Variants in NUDT19 observed in about 807,000 individuals in gnomAD.
NUDT19 encodes nudix hydrolase 19.
In NUDT19, 31 loss-of-function variants were observed where a neutral mutation model predicts 22.2. The ratio of observed to expected loss-of-function variants is 1.40; its 90% confidence interval spans 1.05 to 1.89. The LOEUF (loss-of-function observed/expected upper bound fraction) is 1.89. Ranked by LOEUF, NUDT19 falls within the 40% of genes most tolerant of loss-of-function variation. The pLI is 0.00. For synonymous variants in NUDT19, 325 were observed against 230.8 expected (o/e 1.41, Z -3.70); for missense variants, 752 against 514.2 (o/e 1.46, Z -4.47).
chr19:32,694,025 G>T (rs930451458), intron 1 of NUDT19, among the ~76,000 whole-genome samples: 7 of 152,212 alleles, frequency 4.6e-5, no homozygotes, highest in African/African-American at 1.7e-4. Context: ...GGGGTCCTCG[G>T]TAGAAGTTGT....
chr19:32,692,554 C>G lies in NUDT19; in HGVS notation c.594C>G (p.Ser198Arg). ...ACATCTGGGCGCTGCACAACTGGAG[C>G]GCCTGGCTCACCCCTTTCTTGCGGG... ...TPDIWALHNW[S>R]AWLTPFLRGT... Residue 198 changes from serine (S) to arginine (R), a missense_variant, in exon 1 of 3, where the codon AGC becomes AGG. Coordinates refer to ENST00000397061, the MANE Select transcript of NUDT19 (RefSeq NM_001105570.2). 6.3e-7 allele frequency: 1 copy of G among 1,597,112 alleles called. No individual in the cohort carries two copies.
chr19:32,711,827 T>A lies in NUDT19; in HGVS notation c.998T>A (p.Met333Lys). Reference sequence around the variant, plus strand: ...ACTGAAAAAAAGACTGAGGAAATCATGAAGGAAGGCAAGCAGTTTCACCGG... The same window carrying A: ...ACTGAAAAAAAGACTGAGGAAATCAAGAAGGAAGGCAAGCAGTTTCACCGG... ...MSTEKKTEEI[M>K]KEGKQFHRIV... Residue 333 changes from methionine (M) to lysine (K), a missense_variant, in exon 3 of 3, where the codon ATG becomes AAG. Coordinates refer to ENST00000397061, the MANE Select transcript of NUDT19 (RefSeq NM_001105570.2). The A allele has an allele frequency of 6.2e-7, 1 of 1,613,846 alleles. No individual in the cohort carries two copies. The highest frequency in any genetic ancestry group is 2.2e-5 in the East Asian group (1 of 44,872).
chr19:32,704,935 C>T (rs12980802), intron 1 of NUDT19, among the ~76,000 whole-genome samples: 37,740 of 150,880 alleles, frequency 0.25, 5,060 homozygotes, highest in Middle Eastern at 0.33. Context: ...GGTGAAACCC[C>T]GTCTCAAGTA....
In NUDT19 at chr19:32,709,171, T is replaced by C. The variant is rs368030102; in HGVS notation, c.715-14T>C. On this transcript the variant is annotated splice_polypyrimidine_tract_variant and intron_variant, in intron 1 of 2. Coordinates refer to ENST00000397061, the MANE Select transcript of NUDT19 (RefSeq NM_001105570.2). Reference sequence around the variant, plus strand: ...GGCATAAACCTTAAGAAACCCTGCCTTTGTCTTTCACAGTGGTCATCTCCA... The same window carrying C: ...GGCATAAACCTTAAGAAACCCTGCCCTTGTCTTTCACAGTGGTCATCTCCA... 1.1e-5 allele frequency: 17 copies of C among 1,597,242 alleles called. No homozygotes were observed. The highest frequency in any genetic ancestry group is 1.3e-5 in the Non-Finnish European group (15 of 1,166,038).
Position 32,692,611 on chromosome 19 carries a change from C to T in NUDT19, c.651C>T (p.Phe217=), listed in dbSNP as rs764430045. 6 of 1,547,564 alleles carry T rather than the reference C, an allele frequency of 3.9e-6. No homozygotes were observed. In the South Asian group the frequency reaches 4.9e-5, roughly 13 times the overall value. Residue 217 remains phenylalanine (F), a synonymous_variant, in exon 1 of 3, where the codon TTC becomes TTT. Coordinates refer to ENST00000397061, the MANE Select transcript of NUDT19 (RefSeq NM_001105570.2). The part of the protein sequence containing the change: ...GTTRRFDTAF[F]LCCLREPPPV... Reference sequence around the variant, plus strand: ...CTCGCCGCTTTGACACGGCCTTCTTCCTGTGCTGCCTGCGCGAGCCGCCGC... The same window carrying T: ...CTCGCCGCTTTGACACGGCCTTCTTTCTGTGCTGCCTGCGCGAGCCGCCGC...
rs1968454125 is a variant in NUDT19 at position 32,712,145 on chromosome 19, G to C, written c.*188G>C. The C allele has an allele frequency of 5.7e-6, 3 of 524,550 alleles. No homozygotes were observed. The highest frequency in any genetic ancestry group is 6.9e-5 in the Admixed American group (2 of 28,786). 32.5% of individuals were successfully genotyped at this position (524,550 alleles called of 1,614,324 possible). Reference sequence around the variant, plus strand: ...GCTGGAGTGCAGTGGCATGATATAGGCTCACTGGAAGCTCTGCCTCAGGGG... The same window carrying C: ...GCTGGAGTGCAGTGGCATGATATAGCCTCACTGGAAGCTCTGCCTCAGGGG... On this transcript the variant is annotated 3_prime_UTR_variant, in exon 3 of 3. Coordinates refer to ENST00000397061, the MANE Select transcript of NUDT19 (RefSeq NM_001105570.2).
chr19:32,692,246 T>G lies in NUDT19; in HGVS notation c.286T>G (p.Phe96Val). ...GCGCTTCGGCCTGGGCCCGGCGCCATTCAGCCGCACCGCTTTCCCGTCGCT... is the reference window on the plus strand; with the variant it reads ...GCGCTTCGGCCTGGGCCCGGCGCCAGTCAGCCGCACCGCTTTCCCGTCGCT... ...PPRFGLGPAP[F>V]SRTAFPSLPD... Residue 96 changes from phenylalanine (F) to valine (V), a missense_variant, in exon 1 of 3, where the codon TTC becomes GTC. Physicochemically the swap from Phe to Val is conservative, Grantham distance 50 (BLOSUM62 -1). Coordinates refer to ENST00000397061, the MANE Select transcript of NUDT19 (RefSeq NM_001105570.2). 6.3e-7 allele frequency: 1 copy of G among 1,591,354 alleles called. No individual in the cohort carries two copies. The highest frequency in any genetic ancestry group is 1.1e-5 in the South Asian group (1 of 90,294).
intron 1 of NUDT19, among the ~76,000 whole-genome samples, chr19:32,695,673 C>T (rs8107610): frequency 0.19 from 28,190 of 152,056 alleles, 2,768 homozygotes; most frequent in African/African-American, 0.24. Context: ...TTGATGGCTT[C>T]GGCAGTGTAA....
Position 32,705,106 on chromosome 19 carries a change from CAAAAAAAAAAAAA to C in NUDT19, c.715-4069_715-4057del, listed in dbSNP as rs34871387. Among the ~76,000 whole-genome samples the C allele has an allele frequency of 3.7e-4, 20 of 54,192 alleles. No individual in the cohort carries two copies. The East Asian group carries it at 0.011, about 30-fold the overall frequency. 35.6% of individuals were successfully genotyped at this position (54,192 alleles called of 152,430 possible). ...GGGGGACAAGAGCAAGACTTCATCT[CAAAAAAAAAAAAA>C]AAAAAAAAAGTATTGGAACTTGGCT... is the stretch of plus-strand genomic sequence containing the variant. On this transcript the variant is annotated intron_variant, in intron 1 of 2. Coordinates refer to ENST00000397061, the MANE Select transcript of NUDT19 (RefSeq NM_001105570.2).
At chr19:32,692,906 C>T (rs4805801) in intron 1 of NUDT19, among the ~76,000 whole-genome samples, 20,744 of 152,352 alleles carry the variant, frequency 0.14, 1,792 homozygotes, top group East Asian at 0.27. Context: ...GAGCCTGTCT[C>T]TCCACGTGGT....
rs1299847830 is a variant in NUDT19 at position 32,712,451 on chromosome 19, G to A, written c.*494G>A. On this transcript the variant is annotated 3_prime_UTR_variant, in exon 3 of 3. Transcript: ENST00000397061. ...CCCAGAACCCAGGCTGGAGTGCAGT[G>A]GCCCAATCTCGGCTCACTGCAACCT... is the stretch of plus-strand genomic sequence containing the variant. The A allele has an allele frequency of 7.0e-6, 1 of 142,140 alleles. No individual in the cohort carries two copies. The highest frequency in any genetic ancestry group is 2.8e-5 in the African/African-American group (1 of 36,188). The allele number at this position is 142,140 out of a possible 1,614,324, so 8.8% of individuals were successfully genotyped here.
rs1968465919 is a variant in NUDT19 at position 32,713,086 on chromosome 19, T to TA, written c.*1133dup. On this transcript the variant is annotated 3_prime_UTR_variant, in exon 3 of 3. Transcript: ENST00000397061. ...TTAATGATTAAGATACAATTCTTTT[T>TA]AAAATCAAATGGTATTAGTTATTAT... 1 of 152,244 alleles carries TA rather than the reference T, an allele frequency of 6.6e-6. No homozygotes were observed. The highest frequency in any genetic ancestry group is 1.5e-5 in the Non-Finnish European group (1 of 68,032). 9.4% of individuals were successfully genotyped at this position (152,244 alleles called of 1,614,324 possible). A position where few individuals can be genotyped will look rare whatever the true frequency, so the allele number is the denominator to read the frequency against.
chr19:32,710,029 T>C (rs541914814), intron 2 of NUDT19, among the ~76,000 whole-genome samples: 15 of 150,978 alleles, frequency 9.9e-5, no homozygotes, highest in Non-Finnish European at 1.8e-4. Context: ...TTAGGGAGCT[T>C]TTTTTTTGAG....
intron 1 of NUDT19, among the ~76,000 whole-genome samples, chr19:32,698,956 C>A (rs1481930170): frequency 6.6e-6 from 1 of 152,134 alleles, no homozygotes; most frequent in Non-Finnish European, 1.5e-5. Flanking sequence ...AAGGGATCTC[C>A]AGAGTTGGAA....
At position 32,692,603 on chromosome 19, in the gene NUDT19, G is replaced by T. The variant is rs760646276; in HGVS notation, c.643G>T (p.Ala215Ser). The change falls in exon 1 of 3, where the codon GCC becomes TCC. Residue 215 changes from alanine to serine, a missense_variant. Coordinates refer to ENST00000397061, the MANE Select transcript of NUDT19 (RefSeq NM_001105570.2). ...GGGCACCACTCGCCGCTTTGACACG[G>T]CCTTCTTCCTGTGCTGCCTGCGCGA... ...LRGTTRRFDT[A>S]FFLCCLREPP... is the part of the protein sequence containing the mutation. The T allele has an allele frequency of 3.8e-5, 59 of 1,568,814 alleles. No individual in the cohort carries two copies. Among genetic ancestry groups the T allele is most frequent in the Non-Finnish European group, 4.3e-5 (50 of 1,163,376 alleles).
intron 1 of NUDT19, among the ~76,000 whole-genome samples, chr19:32,700,092 C>T (rs758469874): frequency 1.3e-4 from 20 of 152,316 alleles, no homozygotes; most frequent in Non-Finnish European, 1.8e-4. Flanking sequence ...AGATTTATTG[C>T]GAAGAGCAAA....
chr19:32,694,202 A>G (rs1568431547), intron 1 of NUDT19, among the ~76,000 whole-genome samples: 2 of 152,136 alleles, frequency 1.3e-5, no homozygotes, highest in African/African-American at 2.4e-5. Flanking sequence ...ATGTTGCCCA[A>G]CTCCAGAGGT....
At chr19:32,700,225 G>A (rs1179424921) in intron 1 of NUDT19, among the ~76,000 whole-genome samples, 4 of 152,162 alleles carry the variant, frequency 2.6e-5, no homozygotes, top group Non-Finnish European at 1.5e-5. Context: ...ATTTTACAGA[G>A]CGCTGATTGG....
At chr19:32,693,584 C>CTGCTGATTGGTCCATTTTGCAGAG (rs1254731483) in intron 1 of NUDT19, among the ~76,000 whole-genome samples, 229 of 152,294 alleles carry the variant, frequency 1.5e-3, no homozygotes, top group African/African-American at 5.3e-3. Flanking sequence ...TGCCCATGTC[C>CTGCTGATTGGTCCATTTTGCAGAG]TGCTGATTGG....
Sources: allele counts gnomAD v4.1 joint callset (sites outside exome capture counted in the v4.1 genomes callset), GRCh38; gene constraint gnomAD v4.1.1; transcripts MANE v1.5; gene names NCBI Gene and HGNC (gene_info 2026-07-23, HGNC 2026-07-21).